MAF: variants seen among roughly 807,000 people sequenced by gnomAD.
MAF encodes transcription factor Maf.
In MAF, 10 loss-of-function variants were observed where a neutral mutation model predicts 22.0. That is an observed-to-expected ratio of 0.45 (90% CI 0.28 to 0.77). The LOEUF is 0.77. MAF is among the 30% of genes least tolerant of loss of function. The pLI is 0.12. For synonymous variants in MAF, 337 were observed against 255.8 expected (o/e 1.32, Z -3.03); for missense variants, 544 against 548.4 (o/e 0.99, Z 0.08).
At chr16:79,289,946 T>G in the MAF span, among the ~76,000 whole-genome samples, 2,385 of 146,232 alleles carry the variant, frequency 0.016, 62 homozygotes, top group African/African-American at 0.057. Flanking sequence ...AACCTCCACC[T>G]CCTGGATTCA....
At chr16:79,492,728 C>T in the MAF span, among the ~76,000 whole-genome samples, 4 of 152,108 alleles carry the variant, frequency 2.6e-5, no homozygotes, top group African/African-American at 4.8e-5. Context: ...CAACATGCAG[C>T]GAATCTCATA....
chr16:79,425,683 C>T, the MAF span, among the ~76,000 whole-genome samples: 9 of 142,080 alleles, frequency 6.3e-5, no homozygotes, highest in East Asian at 4.2e-4. Context: ...TTTTTTGAGA[C>T]GGAGTCTCCC....
At chr16:79,271,285 G>GA in the MAF span, among the ~76,000 whole-genome samples, 1 of 146,730 alleles carries the variant, frequency 6.8e-6, no homozygotes, top group Non-Finnish European at 1.5e-5. Context: ...ACAGATAGGA[G>GA]AGTACACACC....
chr16:79,251,146 A>T, the MAF span, among the ~76,000 whole-genome samples: 5 of 152,192 alleles, frequency 3.3e-5, no homozygotes, highest in Non-Finnish European at 7.3e-5. Context: ...TTCTTGGCTA[A>T]TAAGGAGCAT....
At chr16:79,268,539 G>T in the MAF span, among the ~76,000 whole-genome samples, 1 of 152,178 alleles carries the variant, frequency 6.6e-6, no homozygotes, top group Non-Finnish European at 1.5e-5. Context: ...CCCCACAGTA[G>T]CCACATTTCT....
chr16:79,415,052 C>T, the MAF span, among the ~76,000 whole-genome samples: 1 of 152,176 alleles, frequency 6.6e-6, no homozygotes, highest in Non-Finnish European at 1.5e-5. Context: ...CAAAACTATT[C>T]CCATGCCCAG....
At chr16:79,289,861 T>TATTTA in the MAF span, among the ~76,000 whole-genome samples, 151 of 96,754 alleles carry the variant, frequency 1.6e-3, 4 homozygotes, top group African/African-American at 5.5e-3. Flanking sequence ...TGTATTTTTT[T>TATTTA]TTTTTTTGTG....
the MAF span, among the ~76,000 whole-genome samples, chr16:79,397,057 A>T: frequency 6.6e-6 from 1 of 152,228 alleles, no homozygotes; most frequent in Admixed American, 6.5e-5. Context: ...AATGGGACTA[A>T]AATGCCGACC....
At chr16:79,415,522 T>C in the MAF span, among the ~76,000 whole-genome samples, 28 of 152,306 alleles carry the variant, frequency 1.8e-4, no homozygotes, top group African/African-American at 6.3e-4. Flanking sequence ...AAATTAGGAA[T>C]GGCTCAGGTT....
the MAF span, among the ~76,000 whole-genome samples, chr16:79,407,840 C>G: frequency 6.6e-6 from 1 of 152,110 alleles, no homozygotes; most frequent in Non-Finnish European, 1.5e-5. Flanking sequence ...ATGAATGCCT[C>G]AATTCCTGTG....
rs760217558 is a variant in MAF at position 79,599,053 on chromosome 16, C to G, written c.850G>C (p.Glu284Gln). 6.2e-7 allele frequency: 1 copy of G among 1,612,560 alleles called. No homozygotes were observed. Among genetic ancestry groups the G allele is most frequent in the South Asian group, 1.1e-5 (1 of 91,050 alleles). Residue 284 changes from glutamate to glutamine, a missense_variant, in exon 1 of 2, where the codon GAG becomes CAG. Glu to Gln is a conservative substitution (Grantham distance 29). Around this residue, in one of 5 missense-constraint regions of MAF, gnomAD observed 342 missense variants for 315.5 expected, o/e 1.08. Transcript: ENST00000326043. ...LNRQLRGVSKEEVIRLKQKRR... is the reference protein window; with the variant it reads ...LNRQLRGVSKQEVIRLKQKRR... ...TTCTGCTTCAGCCGGATCACCTCCTCCTTGCTGACCCCGCGCAGCTGCCGG... is the reference window on the plus strand; with the variant it reads ...TTCTGCTTCAGCCGGATCACCTCCTGCTTGCTGACCCCGCGCAGCTGCCGG...
At chr16:79,287,675 G>C in the MAF span, among the ~76,000 whole-genome samples, 2 of 152,170 alleles carry the variant, frequency 1.3e-5, no homozygotes, top group East Asian at 3.8e-4. Context: ...CCATTTATTT[G>C]CTCATTCATT....
At chr16:79,399,336 T>TC in the MAF span, among the ~76,000 whole-genome samples, 1 of 152,160 alleles carries the variant, frequency 6.6e-6, no homozygotes. Context: ...ATTATTATTA[T>TC]ATCATCATCA....
chr16:79,583,497 G>T (rs1567555341), downstream of MAF, among the ~76,000 whole-genome samples: 2 of 152,152 alleles, frequency 1.3e-5, no homozygotes, highest in Admixed American at 6.5e-5. Context: ...CACCTGCCCT[G>T]CCCTGAGACA....
chr16:79,203,785 A>G, the MAF span: 1 of 152,200 alleles, frequency 6.6e-6, no homozygotes, highest in Non-Finnish European at 1.5e-5. Flanking sequence ...TGAGCTCATT[A>G]ATTCTGCCTG....
the MAF span, among the ~76,000 whole-genome samples, chr16:79,448,746 A>C: frequency 6.7e-6 from 1 of 149,554 alleles, no homozygotes; most frequent in Non-Finnish European, 1.5e-5. Context: ...AAATTAAGTT[A>C]TATACATTTA....
intron 1 of MAF, chr16:79,595,569 A>C: frequency 9.4e-7 from 1 of 1,059,874 alleles, no homozygotes; most frequent in Non-Finnish European, 1.1e-6. Context: ...TAGTTTCATG[A>C]ATTTGTGTCA....
the MAF span, among the ~76,000 whole-genome samples, chr16:79,371,275 G>T: frequency 2.6e-5 from 4 of 152,194 alleles, no homozygotes; most frequent in East Asian, 7.7e-4. Flanking sequence ...AAAATAAGAA[G>T]TGGAAAGTGA....
the MAF span, among the ~76,000 whole-genome samples, chr16:79,250,020 G>A: frequency 3.3e-5 from 5 of 152,354 alleles, no homozygotes; most frequent in East Asian, 9.6e-4. Context: ...TACATTAACT[G>A]AATTAGCCCG....
Sources: gnomAD v4.1 joint callset for allele counts (sites outside exome capture counted in the v4.1 genomes callset) on GRCh38, gnomAD v4.1.1 for gene constraint, gnomAD v4.1.1 regional missense constraint, MANE v1.5 for transcripts, NCBI Gene and HGNC (gene_info 2026-07-23, HGNC 2026-07-21) for gene names.